The following ULK4 variants were observed in gnomAD, a reference collection of about 807,000 sequenced individuals.
The protein encoded by ULK4 is unc-51 like kinase 4.
Under a neutral mutation model 160.6 loss-of-function variants are expected in ULK4, and 133 were observed. The observed-to-expected ratio is 0.83, with a 90% CI of 0.72 to 0.96. ULK4 has a LOEUF of 0.96. Among genes scored for constraint, ULK4 ranks in the 40% least tolerant of loss-of-function variants. The pLI is 0.00. For missense variants in ULK4, 1,580 were observed against 1,499.5 expected (o/e 1.05, Z -0.89); for synonymous variants, 534 against 539.8 (o/e 0.99, Z 0.15).
At chr3:41,827,100 T>C (rs2041387324) in intron 18 of ULK4, among the ~76,000 whole-genome samples, 1 of 148,992 alleles carries the variant, frequency 6.7e-6, no homozygotes, top group African/African-American at 2.5e-5. Flanking sequence ...AAAGATGTTC[T>C]TTGAAACCAA....
intron 22 of ULK4, among the ~76,000 whole-genome samples, chr3:41,742,285 G>T (rs987971932): frequency 1.3e-5 from 2 of 151,926 alleles, no homozygotes; most frequent in African/African-American, 4.9e-5. Flanking sequence ...TCCCCTGGAG[G>T]GGTAGTGTCT....
chr3:41,827,438 T>A (rs937088548), intron 18 of ULK4, among the ~76,000 whole-genome samples: 1 of 151,564 alleles, frequency 6.6e-6, no homozygotes, highest in East Asian at 1.9e-4. Context: ...AACAATCAAA[T>A]AGACGCAATA....
chr3:41,694,599 T>C (rs572176529), intron 27 of ULK4, among the ~76,000 whole-genome samples: 5 of 152,268 alleles, frequency 3.3e-5, no homozygotes, highest in South Asian at 4.1e-4. Flanking sequence ...CCAGAATCCC[T>C]TTCCCTATAC....
At chr3:41,407,371 C>T (rs986529557) in intron 34 of ULK4, among the ~76,000 whole-genome samples, 22 of 152,064 alleles carry the variant, frequency 1.4e-4, no homozygotes, top group African/African-American at 5.1e-4. Flanking sequence ...GTCAGTACTA[C>T]CCTGATACCC....
At chr3:41,646,127 G>A (rs2034477069) in intron 30 of ULK4, among the ~76,000 whole-genome samples, 2 of 152,246 alleles carry the variant, frequency 1.3e-5, no homozygotes, top group Admixed American at 6.5e-5. Flanking sequence ...GCACACTGAT[G>A]GGTCTTGACT....
At chr3:41,325,486 T>C (rs915170984) in intron 35 of ULK4, among the ~76,000 whole-genome samples, 2 of 152,200 alleles carry the variant, frequency 1.3e-5, no homozygotes, top group Non-Finnish European at 2.9e-5. Context: ...CACTTATCCA[T>C]TCAGTAAATT....
intron 32 of ULK4, among the ~76,000 whole-genome samples, chr3:41,500,717 T>C (rs1218186756): frequency 6.6e-6 from 1 of 152,128 alleles, no homozygotes; most frequent in Non-Finnish European, 1.5e-5. Context: ...TCTGGAATGA[T>C]TTGGAGATTA....
intron 5 of ULK4, among the ~76,000 whole-genome samples, chr3:41,931,388 G>A (rs1699593778): frequency 6.7e-6 from 1 of 149,554 alleles, no homozygotes; most frequent in South Asian, 2.1e-4. Context: ...GTAGATGACA[G>A]GTTGATGGGT....
intron 32 of ULK4, among the ~76,000 whole-genome samples, chr3:41,486,310 G>T (rs2084527536): frequency 6.6e-6 from 1 of 152,116 alleles, no homozygotes; most frequent in South Asian, 2.1e-4. Flanking sequence ...CATGACCAAA[G>T]AAGGCTTCAT....
intron 2 of ULK4, among the ~76,000 whole-genome samples, chr3:41,941,363 T>C (rs1408573584): frequency 6.6e-6 from 1 of 151,360 alleles, no homozygotes; most frequent in African/African-American, 2.4e-5. Context: ...AAACCTTTTT[T>C]TTTAAAGTCA....
chr3:41,751,646 C>A (rs2038633858), intron 22 of ULK4, among the ~76,000 whole-genome samples: 1 of 152,162 alleles, frequency 6.6e-6, no homozygotes, highest in South Asian at 2.1e-4. Flanking sequence ...GGAGGAAGGA[C>A]CACATGTGTC....
chr3:41,575,808 T>G (rs1440302312), intron 31 of ULK4, among the ~76,000 whole-genome samples: 2 of 152,240 alleles, frequency 1.3e-5, no homozygotes, highest in Non-Finnish European at 2.9e-5. Context: ...AGGTTAATTG[T>G]GTCACTTGGC....
chr3:41,358,082 T>G (rs1284954671), intron 35 of ULK4, among the ~76,000 whole-genome samples: 1 of 152,224 alleles, frequency 6.6e-6, no homozygotes, highest in East Asian at 1.9e-4. Flanking sequence ...GCTCCAGAAC[T>G]TGTGCTGTTC....
chr3:41,563,991 T>C (rs1270256718), intron 32 of ULK4, among the ~76,000 whole-genome samples: 1 of 152,250 alleles, frequency 6.6e-6, no homozygotes, highest in Non-Finnish European at 1.5e-5. Flanking sequence ...TCCCCATCTT[T>C]GTGGTTTTAT....
intron 36 of ULK4, 124 bp downstream of exon 36, chr3:41,249,365 G>A: frequency 1.2e-6 from 1 of 863,626 alleles, no homozygotes; most frequent in Non-Finnish European, 1.8e-6. Flanking sequence ...TCAGTGGACA[G>A]TGATGGGCTG....
chr3:41,891,330 C>A (rs576653330), intron 16 of ULK4, among the ~76,000 whole-genome samples: 5 of 51,686 alleles, frequency 9.7e-5, no homozygotes, highest in African/African-American at 4.7e-4. Flanking sequence ...AGGGACGGGA[C>A]AAGACGGGAC....
At chr3:41,774,886 T>G (rs535192642) in intron 21 of ULK4, among the ~76,000 whole-genome samples, 1 of 150,398 alleles carries the variant, frequency 6.6e-6, no homozygotes, top group Non-Finnish European at 1.5e-5. Flanking sequence ...TGGAATACTA[T>G]GCAGCCATAA....
intron 35 of ULK4, among the ~76,000 whole-genome samples, chr3:41,354,589 G>A (rs1008812518): frequency 2.0e-4 from 30 of 152,090 alleles, no homozygotes; most frequent in African/African-American, 7.2e-4. Flanking sequence ...TTGAGGTAAG[G>A]ACACAGTAGA....
intron 30 of ULK4, among the ~76,000 whole-genome samples, chr3:41,635,365 A>C (rs1003644174): frequency 2.0e-5 from 3 of 152,168 alleles, no homozygotes; most frequent in African/African-American, 7.2e-5. Context: ...GTACTTAACA[A>C]ATCTATAGTT....
Sources: gnomAD v4.1 joint callset for allele counts (sites outside exome capture counted in the v4.1 genomes callset) on GRCh38, gnomAD v4.1.1 for gene constraint, MANE v1.5 for transcripts, NCBI Gene and HGNC (gene_info 2026-07-23, HGNC 2026-07-21) for gene names.